The following PDE4B variants were observed in gnomAD, a reference collection of about 807,000 sequenced individuals.
PDE4B encodes phosphodiesterase 4B.
In PDE4B, 20 loss-of-function variants were observed where a neutral mutation model predicts 82.2. The observed-to-expected ratio is 0.24, with a 90% CI of 0.17 to 0.35. The LOEUF is 0.35. Among genes scored for constraint, PDE4B ranks in the 10% least tolerant of loss-of-function variants. PDE4B has a pLI of 1.00. For missense variants in PDE4B, 655 were observed against 907.2 expected (o/e 0.72, Z 3.57); for synonymous variants, 320 against 318.9 (o/e 1.00, Z -0.04).
chr1:66,206,210 A>G (rs1649538337), intron 3 of PDE4B, among the ~76,000 whole-genome samples: 1 of 151,930 alleles, frequency 6.6e-6, no homozygotes, highest in African/African-American at 2.4e-5. Flanking sequence ...TCTTCTTCCA[A>G]TCCAGTTTCC....
At chr1:66,356,075 A>G (rs914383328) in intron 9 of PDE4B, among the ~76,000 whole-genome samples, 25 of 152,206 alleles carry the variant, frequency 1.6e-4, no homozygotes, top group Admixed American at 9.8e-4. Flanking sequence ...GAATAATTCT[A>G]TAGTGATTTG....
intron 3 of PDE4B, among the ~76,000 whole-genome samples, chr1:65,976,683 T>A (rs1488868343): frequency 6.6e-6 from 1 of 152,128 alleles, no homozygotes; most frequent in Non-Finnish European, 1.5e-5. Context: ...AGTGAGTGAG[T>A]TCTCATAAGA....
chr1:65,991,366 C>A (rs548601680), intron 3 of PDE4B, among the ~76,000 whole-genome samples: 1 of 152,262 alleles, frequency 6.6e-6, no homozygotes, highest in East Asian at 1.9e-4. Context: ...CAGGCATGAG[C>A]CACCACGCTC....
chr1:66,291,587 T>C (rs1318291279), intron 7 of PDE4B, among the ~76,000 whole-genome samples: 2 of 152,196 alleles, frequency 1.3e-5, no homozygotes, highest in Non-Finnish European at 2.9e-5. Flanking sequence ...TTCCCTCTTT[T>C]GAAAGCAAAC....
chr1:66,339,041 AT>A, intron 8 of PDE4B, among the ~76,000 whole-genome samples: 1 of 149,542 alleles, frequency 6.7e-6, no homozygotes, highest in South Asian at 2.1e-4. Flanking sequence ...AAAAAAAGAG[AT>A]AAGTTATTCT....
intron 3 of PDE4B, among the ~76,000 whole-genome samples, chr1:66,045,257 T>C (rs1188859010): frequency 1.3e-5 from 2 of 151,782 alleles, no homozygotes; most frequent in Non-Finnish European, 2.9e-5. Context: ...TTTTCAATTT[T>C]TCTTTTCAAT....
intron 7 of PDE4B, among the ~76,000 whole-genome samples, chr1:66,306,703 C>T (rs1055120230): frequency 2.0e-5 from 3 of 152,042 alleles, no homozygotes; most frequent in African/African-American, 7.2e-5. Flanking sequence ...ATGCCCAATC[C>T]CTTTGTTTCA....
At chr1:66,045,841 A>G (rs1654682089) in intron 3 of PDE4B, among the ~76,000 whole-genome samples, 1 of 151,782 alleles carries the variant, frequency 6.6e-6, no homozygotes, top group Admixed American at 6.6e-5. Flanking sequence ...TGTGCAAATA[A>G]ATGCTGTGTT....
intron 1 of PDE4B, among the ~76,000 whole-genome samples, chr1:65,834,297 G>A (rs1348416244): frequency 6.6e-6 from 1 of 152,154 alleles, no homozygotes; most frequent in Non-Finnish European, 1.5e-5. Flanking sequence ...ACCTGCCTTG[G>A]CCTCCCAAAG....
At chr1:65,851,603 TA>T (rs1302953383) in intron 1 of PDE4B, among the ~76,000 whole-genome samples, 2 of 152,066 alleles carry the variant, frequency 1.3e-5, no homozygotes, top group Admixed American at 6.5e-5. Context: ...AAATGGTATT[TA>T]AACATTTATT....
chr1:66,347,623 C>T (rs534468543), intron 8 of PDE4B, among the ~76,000 whole-genome samples: 36 of 152,296 alleles, frequency 2.4e-4, no homozygotes, highest in South Asian at 1.0e-3. Flanking sequence ...CCTGAGAAAT[C>T]GCTAATCTAG....
chr1:66,085,288 G>T (rs758149429), intron 3 of PDE4B, among the ~76,000 whole-genome samples: 27 of 152,266 alleles, frequency 1.8e-4, no homozygotes, highest in Middle Eastern at 3.4e-3. Flanking sequence ...CTACAGGTTT[G>T]AGATATAAGT....
intron 7 of PDE4B, among the ~76,000 whole-genome samples, chr1:66,301,548 C>T (rs563217252): frequency 1.4e-5 from 2 of 146,790 alleles, no homozygotes; most frequent in African/African-American, 5.4e-5. Flanking sequence ...GGCTTCTTAC[C>T]GCTAGGACAA....
intron 6 of PDE4B, among the ~76,000 whole-genome samples, chr1:66,263,648 A>G (rs1434266540): frequency 6.6e-6 from 1 of 152,226 alleles, no homozygotes; most frequent in South Asian, 2.1e-4. Flanking sequence ...ATATGTGCCA[A>G]TATGGACTGT....
chr1:65,946,474 G>A (rs1461717079), intron 3 of PDE4B, among the ~76,000 whole-genome samples: 1 of 151,990 alleles, frequency 6.6e-6, no homozygotes, highest in African/African-American at 2.4e-5. Context: ...GAGATGTGAT[G>A]GTATGAACTG....
intron 3 of PDE4B, among the ~76,000 whole-genome samples, chr1:65,990,403 T>C (rs576827051): frequency 2.6e-5 from 4 of 152,302 alleles, no homozygotes; most frequent in African/African-American, 9.6e-5. Context: ...AGAAGTATCT[T>C]TTGTAACTTC....
chr1:66,232,695 A>T lies in PDE4B; in HGVS notation c.282-14765A>T, dbSNP rs150151275. ...ACATACCTTGAAAGTCAAATGAAGG[A>T]TAACTTGGGTCAAATATTCCTGATA... On this transcript the variant is annotated intron_variant, in intron 3 of 16. Transcript: ENST00000341517. Among the ~76,000 whole-genome samples the T allele has an allele frequency of 5.8e-3, 882 of 152,336 alleles. 11 individuals are homozygous for T. The highest frequency in any genetic ancestry group is 0.02 in the African/African-American group (827 of 41,566).
chr1:65,812,918 C>A (rs1645836224), intron 1 of PDE4B, among the ~76,000 whole-genome samples: 2 of 152,018 alleles, frequency 1.3e-5, no homozygotes, highest in Non-Finnish European at 2.9e-5. Flanking sequence ...CCTAGACAGC[C>A]CTGGAAAAGT....
At chr1:66,055,716 T>C (rs762422020) in intron 3 of PDE4B, among the ~76,000 whole-genome samples, 2 of 152,214 alleles carry the variant, frequency 1.3e-5, no homozygotes, top group Non-Finnish European at 2.9e-5. Flanking sequence ...GGTATTTTAA[T>C]TTAAAAGCAT....
Sources: gnomAD v4.1 joint callset for allele counts (sites outside exome capture counted in the v4.1 genomes callset) on GRCh38, gnomAD v4.1.1 for gene constraint, MANE v1.5 for transcripts, NCBI Gene and HGNC (gene_info 2026-07-23, HGNC 2026-07-21) for gene names.